The following PEBP4 variants were observed in gnomAD, a reference collection of about 807,000 sequenced individuals.
The protein encoded by PEBP4 is phosphatidylethanolamine-binding protein 4.
PEBP4 carries 22 observed loss-of-function variants against 23.9 expected under a neutral mutation model. That is an observed-to-expected ratio of 0.92 (90% CI 0.66 to 1.31). PEBP4 has a LOEUF of 1.31. Among genes scored for constraint, PEBP4 ranks in the 40% most tolerant of loss-of-function variants. The pLI is 0.00. For missense variants in PEBP4, 324 were observed against 281.7 expected (o/e 1.15, Z -1.07); for synonymous variants, 112 against 99.3 (o/e 1.13, Z -0.76).
At chr8:22,746,927 G>A (rs1805133269) in intron 4 of PEBP4, among the ~76,000 whole-genome samples, 1 of 152,166 alleles carries the variant, frequency 6.6e-6, no homozygotes, top group Non-Finnish European at 1.5e-5. Context: ...TACGGCTCAA[G>A]TGATCTTCCC....
intron 4 of PEBP4, among the ~76,000 whole-genome samples, chr8:22,816,986 T>C (rs539038516): frequency 6.6e-5 from 10 of 152,270 alleles, no homozygotes; most frequent in Admixed American, 2.0e-4. Flanking sequence ...TATCCAAAAC[T>C]TGTTTGGCAA....
chr8:22,839,168 C>T (rs1004245204), intron 3 of PEBP4, among the ~76,000 whole-genome samples: 2 of 152,214 alleles, frequency 1.3e-5, no homozygotes, highest in South Asian at 2.1e-4. Flanking sequence ...CACACTTGTT[C>T]GGGATGACCA....
intron 3 of PEBP4, among the ~76,000 whole-genome samples, chr8:22,842,825 G>A (rs1807355746): frequency 6.6e-6 from 1 of 152,098 alleles, no homozygotes; most frequent in African/African-American, 2.4e-5. Context: ...TACAGGCCCT[G>A]AATTTTTATT....
intron 4 of PEBP4, chr8:22,798,728 C>CTTTTTTTTTTTTTTTTTTT: frequency 1.2e-5 from 1 of 84,220 alleles, no homozygotes; most frequent in Non-Finnish European, 2.4e-5. Context: ...TTTCTTTTTT[C>CTTTTTTTTTTTTTTTTTTT]TTTTTTTTTT....
chr8:22,908,705 T>C (rs1808868728), intron 3 of PEBP4, among the ~76,000 whole-genome samples: 1 of 152,144 alleles, frequency 6.6e-6, no homozygotes, highest in Non-Finnish European at 1.5e-5. Flanking sequence ...AGGCAACAAT[T>C]CATGTTCCTG....
At chr8:22,761,255 T>C (rs1481694411) in intron 4 of PEBP4, among the ~76,000 whole-genome samples, 1 of 152,040 alleles carries the variant, frequency 6.6e-6, no homozygotes, top group East Asian at 1.9e-4. Context: ...TGTGTGTTTG[T>C]GTGTGTGTGA....
At chr8:22,892,901 G>A (rs932122729) in intron 3 of PEBP4, among the ~76,000 whole-genome samples, 5 of 152,158 alleles carry the variant, frequency 3.3e-5, no homozygotes, top group Non-Finnish European at 7.4e-5. Context: ...GAGAACCCAG[G>A]AAACCTGACA....
intron 3 of PEBP4, among the ~76,000 whole-genome samples, chr8:22,910,544 C>T (rs1808916967): frequency 6.6e-6 from 1 of 152,172 alleles, no homozygotes; most frequent in Non-Finnish European, 1.5e-5. Context: ...GCTAGAAACA[C>T]CCAGTGAAGG....
intron 4 of PEBP4, among the ~76,000 whole-genome samples, chr8:22,760,378 G>T (rs1345179117): frequency 6.6e-6 from 1 of 152,154 alleles, no homozygotes; most frequent in East Asian, 1.9e-4. Context: ...AAACGTTTAT[G>T]GGTCTGGTAA....
At chr8:22,923,846 GC>G (rs1217304141) in intron 2 of PEBP4, among the ~76,000 whole-genome samples, 5 of 152,120 alleles carry the variant, frequency 3.3e-5, no homozygotes, top group Non-Finnish European at 7.3e-5. Context: ...GAAGCAGAGA[GC>G]AACCTTGTAC....
intron 4 of PEBP4, among the ~76,000 whole-genome samples, chr8:22,733,611 G>T (rs187380410): frequency 6.6e-6 from 1 of 152,138 alleles, no homozygotes; most frequent in South Asian, 2.1e-4. Context: ...GGCTCGTGGT[G>T]CCTCAGAGCA....
chr8:22,888,604 G>A (rs1381540495), intron 3 of PEBP4, among the ~76,000 whole-genome samples: 2 of 152,232 alleles, frequency 1.3e-5, no homozygotes, highest in African/African-American at 2.4e-5. Flanking sequence ...AGGGGCACTG[G>A]TACCGCATCC....
intron 4 of PEBP4, among the ~76,000 whole-genome samples, chr8:22,806,614 CAA>C (rs55944201): frequency 6.1e-4 from 52 of 85,838 alleles, no homozygotes; most frequent in African/African-American, 1.3e-3. Context: ...GACTGTGTCT[CAA>C]AAAAAAAAAA....
intron 4 of PEBP4, chr8:22,756,055 A>G (rs551375049): frequency 2.0e-5 from 3 of 152,268 alleles, no homozygotes; most frequent in South Asian, 2.1e-4. Context: ...ATGATGTATC[A>G]TAATAGATTC....
At chr8:22,913,689 ATCC>A (rs1047667799) in intron 3 of PEBP4, among the ~76,000 whole-genome samples, 6 of 152,132 alleles carry the variant, frequency 3.9e-5, no homozygotes, top group African/African-American at 1.4e-4. Flanking sequence ...CCTTTGAAAT[ATCC>A]TCCTAACTCC....
intron 6 of PEBP4, among the ~76,000 whole-genome samples, chr8:22,722,286 T>C (rs1804534669): frequency 6.6e-6 from 1 of 152,014 alleles, no homozygotes; most frequent in Admixed American, 6.5e-5. Context: ...TCCAACCTCC[T>C]CCCCATGGCC....
At chr8:22,795,282 T>G (rs1806226547) in intron 4 of PEBP4, among the ~76,000 whole-genome samples, 2 of 148,482 alleles carry the variant, frequency 1.3e-5, no homozygotes, top group African/African-American at 5.0e-5. Flanking sequence ...TTCAAGCAAT[T>G]CTCCTGCCTC....
rs1408338925 is a variant in PEBP4 at position 22,817,722 on chromosome 8, A to T, written c.272T>A (p.Ile91Asn). ...FPGAVDGATYILVMVDPDAPS... is the reference protein window; with the variant it reads ...FPGAVDGATYNLVMVDPDAPS... ...GGCATCTGGATCCACCATCACCAGG[A>T]TATAGGTTGCGCCCTGTAACACATG... Residue 91 changes from isoleucine to asparagine, a missense_variant, in exon 4 of 7, where the codon ATC (isoleucine) becomes AAC (asparagine). By Grantham distance (149) the Ile-to-Asn change is moderately radical (BLOSUM62 -3). Transcript: ENST00000256404. 6.2e-7 allele frequency: 1 copy of T among 1,614,178 alleles called. No homozygotes were observed. Among genetic ancestry groups the T allele is most frequent in the Middle Eastern group, 1.6e-4 (1 of 6,062 alleles).
intron 4 of PEBP4, among the ~76,000 whole-genome samples, chr8:22,777,048 G>GCA (rs1805828475): frequency 6.6e-6 from 1 of 152,010 alleles, no homozygotes; most frequent in Non-Finnish European, 1.5e-5. Flanking sequence ...TCCGGAGGGA[G>GCA]GGAGCTACAA....
Sources: gnomAD v4.1 joint callset for allele counts (sites outside exome capture counted in the v4.1 genomes callset) on GRCh38, gnomAD v4.1.1 for gene constraint, MANE v1.5 for transcripts, NCBI Gene and HGNC (gene_info 2026-07-23, HGNC 2026-07-21) for gene names.